Variants in MCTP2 observed in about 807,000 individuals in gnomAD.
MCTP2 encodes the protein multiple C2 and transmembrane domain-containing protein 2.
MCTP2 carries 132 observed loss-of-function variants against 111.6 expected under a neutral mutation model. The ratio of observed to expected loss-of-function variants is 1.18; its 90% CI spans 1.03 to 1.37. The LOEUF (loss-of-function observed/expected upper bound fraction) is 1.37. Ranked by LOEUF, MCTP2 falls within the 40% of genes most tolerant of loss-of-function variation. MCTP2 has a pLI of 0.00. For synonymous variants in MCTP2, 395 were observed against 387.7 expected (o/e 1.02, Z -0.22); for missense variants, 1,183 against 1,067.9 (o/e 1.11, Z -1.50).
chr15:94,373,990 G>C (rs1011118126), intron 12 of MCTP2, among the ~76,000 whole-genome samples: 1 of 152,200 alleles, frequency 6.6e-6, no homozygotes, highest in Non-Finnish European at 1.5e-5. Context: ...GCTACTGCTA[G>C]TCTTAAAATG....
chr15:94,290,946 A>C (rs960765061), intron 1 of MCTP2, among the ~76,000 whole-genome samples: 2 of 152,248 alleles, frequency 1.3e-5, no homozygotes, highest in African/African-American at 4.8e-5. Flanking sequence ...AGAAATTCAC[A>C]ACTATAGTTG....
At chr15:94,386,755 G>A (rs2080506620) in intron 14 of MCTP2, among the ~76,000 whole-genome samples, 1 of 152,030 alleles carries the variant, frequency 6.6e-6, no homozygotes, top group Admixed American at 6.6e-5. Context: ...CTCCTTGACA[G>A]TTTTCTCATT....
chr15:94,239,566 T>A lies in MCTP2; in HGVS notation c.-66+7902T>A, dbSNP rs529636891. 6.6e-5 allele frequency among the ~76,000 whole-genome samples: 10 copies of A among 152,342 alleles called. No individual in the cohort carries two copies. The South Asian group carries it at 2.1e-3, about 32-fold the overall frequency. The stretch of plus-strand genomic sequence containing the variant: ...CTTACATGAGCTCCCTCCCCTGTCT[T>A]CCTTATCTCCTACTTTTTCTGACAC... On this transcript the variant is annotated intron_variant, in intron 1 of 22. Coordinates refer to ENST00000357742, the MANE Select transcript of MCTP2 (RefSeq NM_001385001.1).
chr15:94,458,548 T>C (rs1444133831), intron 20 of MCTP2, among the ~76,000 whole-genome samples: 1 of 152,198 alleles, frequency 6.6e-6, no homozygotes, highest in Non-Finnish European at 1.5e-5. Context: ...ATATTTAAAA[T>C]GTTACCCTAT....
chr15:94,277,758 C>A (rs74736641), intron 1 of MCTP2, among the ~76,000 whole-genome samples: 1,900 of 152,158 alleles, frequency 0.012, 79 homozygotes, highest in East Asian at 0.11. Context: ...AAATACAGGA[C>A]ATTATATGTT....
intron 1 of MCTP2, among the ~76,000 whole-genome samples, chr15:94,282,144 C>T (rs1386651505): frequency 6.6e-6 from 1 of 152,030 alleles, no homozygotes; most frequent in East Asian, 1.9e-4. Flanking sequence ...ATATGTTTTC[C>T]CAGTTGCTTT....
intron 17 of MCTP2, among the ~76,000 whole-genome samples, chr15:94,429,064 T>C (rs951197566): frequency 3.9e-5 from 6 of 152,198 alleles, no homozygotes; most frequent in Admixed American, 3.9e-4. Flanking sequence ...ATCCTCACTC[T>C]CGTAGAATGA....
chr15:94,402,966 C>T (rs890630818), intron 17 of MCTP2: 6 of 1,012,488 alleles, frequency 5.9e-6, no homozygotes, highest in Non-Finnish European at 7.1e-6. Context: ...TCTTAGCCAA[C>T]AGGCATAGCC....
intron 12 of MCTP2, among the ~76,000 whole-genome samples, chr15:94,379,901 T>C (rs1342435636): frequency 1.4e-5 from 2 of 147,010 alleles, no homozygotes; most frequent in East Asian, 2.0e-4. Flanking sequence ...ATATATGATA[T>C]ATAATGTATA....
At chr15:94,430,482 A>G (rs935277416) in intron 17 of MCTP2, among the ~76,000 whole-genome samples, 1 of 145,100 alleles carries the variant, frequency 6.9e-6, no homozygotes, top group Non-Finnish European at 1.5e-5. Context: ...CTGTAATCCT[A>G]GCACATTGGG....
intron 17 of MCTP2, among the ~76,000 whole-genome samples, chr15:94,411,037 A>G (rs1343743786): frequency 1.3e-5 from 2 of 152,250 alleles, no homozygotes; most frequent in African/African-American, 4.8e-5. Context: ...CTGCCATCAC[A>G]GCCCCTGAAT....
intron 2 of MCTP2, among the ~76,000 whole-genome samples, chr15:94,303,324 T>C (rs28627837): frequency 7.5e-4 from 114 of 151,856 alleles, no homozygotes; most frequent in African/African-American, 2.6e-3. Flanking sequence ...GCATCCAGCA[T>C]GGGAGAAAGG....
chr15:94,385,247 A>G (rs1016689959), intron 13 of MCTP2, among the ~76,000 whole-genome samples, 176 bp from the exon 14 acceptor site: 2 of 152,176 alleles, frequency 1.3e-5, no homozygotes, highest in Non-Finnish European at 2.9e-5. Flanking sequence ...TGAATCTTCT[A>G]TGATGGAAGG....
chr15:94,443,232 A>T (rs891648136), intron 19 of MCTP2, among the ~76,000 whole-genome samples: 3 of 152,210 alleles, frequency 2.0e-5, no homozygotes, highest in Admixed American at 2.0e-4. Context: ...AGCCAAGATT[A>T]GCCTTCCCCT....
intron 8 of MCTP2, among the ~76,000 whole-genome samples, chr15:94,348,258 C>T (rs1386996149): frequency 6.6e-6 from 1 of 151,322 alleles, no homozygotes; most frequent in Non-Finnish European, 1.5e-5. Flanking sequence ...TCTAGGCACT[C>T]CTATCAGCTG....
At chr15:94,356,362 T>G in intron 9 of MCTP2, 61 bp downstream of exon 9, 2 of 1,400,258 alleles carry the variant, frequency 1.4e-6, no homozygotes, top group South Asian at 3.2e-5. Context: ...AATTAAAAAT[T>G]GTTTCCCACT....
chr15:94,423,649 AT>A (rs1429813502), intron 17 of MCTP2, among the ~76,000 whole-genome samples: 1 of 152,164 alleles, frequency 6.6e-6, no homozygotes, highest in African/African-American at 2.4e-5. Flanking sequence ...GGGGGCTTGA[AT>A]TTAGATATGT....
chr15:94,418,492 C>T (rs950567305), intron 17 of MCTP2, among the ~76,000 whole-genome samples: 15 of 152,154 alleles, frequency 9.9e-5, no homozygotes, highest in African/African-American at 2.4e-4. Flanking sequence ...TCTGCAAAGA[C>T]GTATAATGAG....
At chr15:94,478,817 ATCCC>A (rs1224729510) in intron 22 of MCTP2, 145 bp from the exon 23 acceptor site, 2 of 643,132 alleles carry the variant, frequency 3.1e-6, no homozygotes, top group Non-Finnish European at 5.6e-6. Flanking sequence ...CCTGCAATTA[ATCCC>A]TCCATGTTCC....
Sources: gnomAD v4.1 joint callset for allele counts (sites outside exome capture counted in the v4.1 genomes callset) on GRCh38, gnomAD v4.1.1 for gene constraint, MANE v1.5 for transcripts, NCBI Gene and HGNC (gene_info 2026-07-23, HGNC 2026-07-21) for gene names.